Variants in RPS6KC1 observed in about 807,000 individuals in gnomAD.
The protein encoded by RPS6KC1 is ribosomal protein S6 kinase C1.
In RPS6KC1, 54 loss-of-function variants were observed where a neutral mutation model predicts 103.8. The ratio of observed to expected loss-of-function variants is 0.52; its 90% CI spans 0.42 to 0.65. The LOEUF is 0.65. RPS6KC1 is among the 30% of genes least tolerant of loss of function. The pLI is 0.00. For synonymous variants in RPS6KC1, 439 were observed against 438.7 expected, an observed-to-expected ratio of 1.00 and a Z score of -0.01; for missense variants, 1,151 against 1,253.8, an observed-to-expected ratio of 0.92 and a Z score of 1.24.
chr1:213,494,096 G>A, the RPS6KC1 span, among the ~76,000 whole-genome samples: 1 of 152,214 alleles, frequency 6.6e-6, no homozygotes, highest in African/African-American at 2.4e-5. Flanking sequence ...ATGATAGGGA[G>A]TAGGAATTAA....
At chr1:213,296,598 G>A in the RPS6KC1 span, among the ~76,000 whole-genome samples, 1 of 152,316 alleles carries the variant, frequency 6.6e-6, no homozygotes, top group Non-Finnish European at 1.5e-5. Flanking sequence ...TGTTCTGAAT[G>A]CTACAGCATG....
At chr1:213,677,997 C>G in the RPS6KC1 span, among the ~76,000 whole-genome samples, 4 of 132,666 alleles carry the variant, frequency 3.0e-5, no homozygotes, top group Admixed American at 7.8e-5. Flanking sequence ...CACAGCAGGA[C>G]TCTGTCTCAA....
At chr1:213,396,632 A>G in the RPS6KC1 span, among the ~76,000 whole-genome samples, 2 of 152,160 alleles carry the variant, frequency 1.3e-5, no homozygotes, top group East Asian at 3.9e-4. Flanking sequence ...CGAGAGTTCC[A>G]GAGAGGCTGC....
intron 3 of RPS6KC1, among the ~76,000 whole-genome samples, chr1:213,102,365 G>A (rs1372017643): frequency 6.6e-6 from 1 of 152,116 alleles, no homozygotes; most frequent in Admixed American, 6.6e-5. Context: ...TGGGATTATA[G>A]GTTTGCGCCA....
intron 5 of RPS6KC1, among the ~76,000 whole-genome samples, chr1:213,125,412 T>A (rs76620404): frequency 0.058 from 8,847 of 152,212 alleles, 374 homozygotes; most frequent in Non-Finnish European, 0.087. Context: ...TTACTAATTT[T>A]TGTGATGGAC....
At chr1:213,097,286 G>A (rs747269063) in intron 3 of RPS6KC1, among the ~76,000 whole-genome samples, 4 of 152,150 alleles carry the variant, frequency 2.6e-5, no homozygotes, top group East Asian at 1.9e-4. Context: ...CCTGGTAGGC[G>A]GAGGCTGCAG....
At chr1:213,123,972 T>C (rs944686041) in intron 5 of RPS6KC1, among the ~76,000 whole-genome samples, 4 of 152,166 alleles carry the variant, frequency 2.6e-5, no homozygotes, top group Admixed American at 1.3e-4. Flanking sequence ...ACTCAACCTG[T>C]TCCCCTGGGG....
the RPS6KC1 span, among the ~76,000 whole-genome samples, chr1:213,763,822 A>G: frequency 6.6e-6 from 1 of 152,202 alleles, no homozygotes; most frequent in African/African-American, 2.4e-5. Context: ...GTGATGGGCA[A>G]GCAGGCACAG....
the RPS6KC1 span, among the ~76,000 whole-genome samples, chr1:213,780,842 G>T: frequency 2.0e-5 from 3 of 152,104 alleles, no homozygotes; most frequent in Non-Finnish European, 4.4e-5. Flanking sequence ...TGGCTAACAT[G>T]GTGAAACCCA....
At chr1:213,617,249 G>T in the RPS6KC1 span, among the ~76,000 whole-genome samples, 1 of 152,092 alleles carries the variant, frequency 6.6e-6, no homozygotes. Context: ...CAGGTGGGGG[G>T]TGTCACCACA....
the RPS6KC1 span, among the ~76,000 whole-genome samples, chr1:213,369,714 C>T: frequency 1.6e-4 from 25 of 152,244 alleles, no homozygotes; most frequent in African/African-American, 5.8e-4. Flanking sequence ...AATATCTTCT[C>T]AGTTGTGCTC....
At chr1:213,425,583 G>C in the RPS6KC1 span, among the ~76,000 whole-genome samples, 1 of 152,096 alleles carries the variant, frequency 6.6e-6, no homozygotes, top group African/African-American at 2.4e-5. Flanking sequence ...TATTAGCTTC[G>C]TAATTACCCA....
the RPS6KC1 span, among the ~76,000 whole-genome samples, chr1:213,602,534 G>T: frequency 6.6e-6 from 1 of 151,908 alleles, no homozygotes; most frequent in Non-Finnish European, 1.5e-5. Flanking sequence ...CGCCCGGCCT[G>T]GTGTTTCTAA....
At chr1:213,636,593 A>G in the RPS6KC1 span, among the ~76,000 whole-genome samples, 5 of 152,222 alleles carry the variant, frequency 3.3e-5, no homozygotes, top group Non-Finnish European at 4.4e-5. Flanking sequence ...TCCCTTCCTT[A>G]CACCTTATAC....
the RPS6KC1 span, among the ~76,000 whole-genome samples, chr1:213,301,476 A>G: frequency 6.6e-6 from 1 of 152,230 alleles, no homozygotes; most frequent in Non-Finnish European, 1.5e-5. Context: ...GGATGCAGTG[A>G]TAAACAAGGC....
At chr1:213,634,434 A>C in the RPS6KC1 span, among the ~76,000 whole-genome samples, 2 of 152,238 alleles carry the variant, frequency 1.3e-5, no homozygotes. Flanking sequence ...CTCACTGAAA[A>C]CCACACAACT....
At chr1:213,218,844 T>G (rs1276065830) in intron 8 of RPS6KC1, among the ~76,000 whole-genome samples, 2 of 152,160 alleles carry the variant, frequency 1.3e-5, no homozygotes, top group East Asian at 3.9e-4. Context: ...CTGGATCCCT[T>G]CCTTACACCT....
chr1:213,551,539 T>C, the RPS6KC1 span, among the ~76,000 whole-genome samples: 11 of 152,172 alleles, frequency 7.2e-5, no homozygotes, highest in Non-Finnish European at 1.5e-5. Context: ...TACATGTATG[T>C]ATATATATGT....
chr1:213,629,080 C>A, the RPS6KC1 span, among the ~76,000 whole-genome samples: 2 of 152,152 alleles, frequency 1.3e-5, no homozygotes, highest in African/African-American at 4.8e-5. Context: ...GTGGAGAGTT[C>A]TGTAGATGTC....
Sources: gnomAD v4.1 joint callset for allele counts (sites outside exome capture counted in the v4.1 genomes callset) on GRCh38, gnomAD v4.1.1 for gene constraint, MANE v1.5 for transcripts, NCBI Gene and HGNC (gene_info 2026-07-23, HGNC 2026-07-21) for gene names.